The following RHBDD1 variants were observed in gnomAD, a reference collection of about 807,000 sequenced individuals.
The protein encoded by RHBDD1 is rhomboid-related protein 4.
Under a neutral mutation model 36.3 loss-of-function variants are expected in RHBDD1, and 38 were observed. The observed-to-expected ratio is 1.05, with a 90% CI of 0.81 to 1.37. RHBDD1 has a LOEUF of 1.37. Ranked by LOEUF, RHBDD1 falls within the 40% of genes most tolerant of loss-of-function variation. The probability of loss-of-function intolerance (pLI) is 0.00; values close to 1 mark genes in which losing one functional copy is unlikely to be tolerated. For missense variants in RHBDD1, 393 were observed against 377.6 expected, an observed-to-expected ratio of 1.04 and a Z score of -0.34; for synonymous variants, 151 against 136.5, an observed-to-expected ratio of 1.11 and a Z score of -0.74.
the RHBDD1 span, among the ~76,000 whole-genome samples, chr2:226,816,835 G>GAAAATGTATAGTTCTTGAA: frequency 7.1e-6 from 1 of 140,272 alleles, no homozygotes; most frequent in Non-Finnish European, 1.6e-5. Context: ...GGCAAAGGTT[G>GAAAATGTATAGTTCTTGAA]CAGTGGGCCC....
intron 7 of RHBDD1, among the ~76,000 whole-genome samples, chr2:226,913,915 T>C (rs1159879030): frequency 6.6e-6 from 1 of 152,140 alleles, no homozygotes; most frequent in Admixed American, 6.5e-5. Context: ...AAGAATCCAC[T>C]CCATATGTCA....
intron 3 of RHBDD1, among the ~76,000 whole-genome samples, chr2:226,852,006 T>C (rs900693678): frequency 6.6e-6 from 1 of 152,226 alleles, no homozygotes; most frequent in Non-Finnish European, 1.5e-5. Flanking sequence ...GCACGGTTGC[T>C]GAAGTCCTCA....
chr2:226,884,058 C>T (rs1238402714), intron 5 of RHBDD1, among the ~76,000 whole-genome samples: 2 of 152,144 alleles, frequency 1.3e-5, no homozygotes, highest in African/African-American at 4.8e-5. Flanking sequence ...AAACATTATA[C>T]AATTAAATAT....
At position 226,904,600 on chromosome 2, in the gene RHBDD1, A is replaced by G. The variant is rs138761165; in HGVS notation, c.567-2193A>G. On this transcript the variant is annotated intron_variant, in intron 5 of 8. Transcript: ENST00000392062. ...GAGGGCTTGTCTGGGCAATAGTGTC[A>G]TTTAGTCAGCTAATGGGAACAAGCA... Among the ~76,000 whole-genome samples the G allele has an allele frequency of 2.0e-3, 311 of 152,316 alleles. 3 individuals carry two copies. Among genetic ancestry groups the G allele is most frequent in the Middle Eastern group, 0.014 (4 of 294 alleles).
In RHBDD1 at chr2:226,893,776, G is replaced by T. The variant is rs531493346; in HGVS notation, c.567-13017G>T. ...AGCAGGGGTGCTACTGGCATTTGGG[G>T]TGCAGGGGCCAAAGGTACTAGCTGT... On this transcript the variant is annotated intron_variant, in intron 5 of 8. Transcript: ENST00000392062. Among the ~76,000 whole-genome samples the T allele has an allele frequency of 2.6e-5, 4 of 152,202 alleles. No homozygotes were observed. In the South Asian group the frequency reaches 6.2e-4, roughly 24 times the overall value.
In RHBDD1 at chr2:226,863,812, G is replaced by A. The variant is rs185439065; in HGVS notation, c.-90-792G>A. Among the ~76,000 whole-genome samples, 150 of 152,336 alleles carry A rather than the reference G, an allele frequency of 9.8e-4. 1 individual carries two copies. The highest frequency in any genetic ancestry group is 3.5e-3 in the African/African-American group (146 of 41,582). ...ATGTCACAGTGCCAGCCCAGGTCCA[G>A]CGGGGTGGAGAAGCGGGCTAGTAAG... On this transcript the variant is annotated intron_variant, in intron 3 of 8. Transcript: ENST00000392062.
rs1227053114 is a variant in RHBDD1, at chr2:226,991,695, T to C, written c.857-3736T>C. 2.0e-5 allele frequency among the ~76,000 whole-genome samples: 3 copies of C among 152,308 alleles called. No individual in the cohort carries two copies. The East Asian group carries it at 5.8e-4, about 29-fold the overall frequency. On this transcript the variant is annotated intron_variant, in intron 8 of 8. Coordinates refer to ENST00000392062, the MANE Select transcript of RHBDD1 (RefSeq NM_001167608.3). ...GGAGCTACTCAGTATTCCCATTTTATAGATAAGGAAACTAAGACCAAGAGC... is the reference window on the plus strand; with the variant it reads ...GGAGCTACTCAGTATTCCCATTTTACAGATAAGGAAACTAAGACCAAGAGC...
In RHBDD1 at chr2:226,928,833, A is replaced by G. The variant is rs530607212; in HGVS notation, c.856+14482A>G. The stretch of plus-strand genomic sequence containing the variant: ...TGAAAATGGAGACACTACAACCATC[A>G]CCACAGAAATACAAAAGACCATTTG... On this transcript the variant is annotated intron_variant, in intron 8 of 8. Transcript: ENST00000392062. 2.0e-5 allele frequency among the ~76,000 whole-genome samples: 3 copies of G among 152,162 alleles called. No individual in the cohort carries two copies. The East Asian group carries it at 5.8e-4, about 29-fold the overall frequency.
intron 8 of RHBDD1, among the ~76,000 whole-genome samples, chr2:226,943,781 C>A (rs1011534262): frequency 2.0e-5 from 3 of 152,144 alleles, no homozygotes; most frequent in African/African-American, 7.2e-5. Context: ...CCTAGTAAGG[C>A]CTATTTTGCA....
At chr2:226,972,333 G>A (rs1953699472) in intron 8 of RHBDD1, among the ~76,000 whole-genome samples, 2 of 152,022 alleles carry the variant, frequency 1.3e-5, no homozygotes, top group African/African-American at 2.4e-5. Flanking sequence ...AATCATTGAT[G>A]GAAAAAGCCC....
rs1948091749 is a variant in RHBDD1 at position 226,906,839 on chromosome 2, T to C, written c.613T>C (p.Tyr205His). 6.2e-7 allele frequency: 1 copy of C among 1,614,124 alleles called. No homozygotes were observed. The highest frequency in any genetic ancestry group is 8.5e-7 in the Non-Finnish European group (1 of 1,179,986). The change falls in exon 6 of 9, where the codon TAC becomes CAC. Residue 205 changes from tyrosine to histidine, a missense_variant. Coordinates refer to ENST00000392062, the MANE Select transcript of RHBDD1 (RefSeq NM_001167608.3). ...GGCTGGGATTCTTGTTGGACTAATGTACACTCAAGGGCCTCTGAAGAAAAT... is the reference window on the plus strand; with the variant it reads ...GGCTGGGATTCTTGTTGGACTAATGCACACTCAAGGGCCTCTGAAGAAAAT... ...HLAGILVGLM[Y>H]TQGPLKKIME...
intron 5 of RHBDD1, among the ~76,000 whole-genome samples, chr2:226,886,022 G>T (rs60781772): frequency 0.17 from 26,237 of 152,150 alleles, 3,478 homozygotes; most frequent in African/African-American, 0.37. Flanking sequence ...AGAACAGTGT[G>T]TGATATAAAA....
At chr2:226,802,997 A>C in the RHBDD1 span, among the ~76,000 whole-genome samples, 4 of 152,244 alleles carry the variant, frequency 2.6e-5, no homozygotes, top group Admixed American at 2.6e-4. Context: ...AAAACTAAAC[A>C]TTTCAAAATT....
chr2:226,864,570 A>G, intron 3 of RHBDD1, 34 bp from the exon 4 acceptor site: 1 of 766,984 alleles, frequency 1.3e-6, no homozygotes, highest in East Asian at 2.5e-5. Flanking sequence ...CTAATTCTTA[A>G]TTGATGGTTT....
intron 8 of RHBDD1, among the ~76,000 whole-genome samples, chr2:226,960,572 A>G (rs1391107093): frequency 6.6e-6 from 1 of 152,230 alleles, no homozygotes; most frequent in Non-Finnish European, 1.5e-5. Flanking sequence ...GATGCTCTAA[A>G]ATTTTGACCA....
the RHBDD1 span, among the ~76,000 whole-genome samples, chr2:226,830,216 A>T: frequency 1.3e-5 from 2 of 152,212 alleles, no homozygotes; most frequent in African/African-American, 4.8e-5. Flanking sequence ...TCATGAGGAC[A>T]AAACTCTCAT....
At chr2:226,875,205 A>G (rs1185995449) in intron 5 of RHBDD1, among the ~76,000 whole-genome samples, 1 of 152,208 alleles carries the variant, frequency 6.6e-6, no homozygotes. Flanking sequence ...TTGGATGGAC[A>G]TAAGATAAGG....
upstream of RHBDD1, among the ~76,000 whole-genome samples, chr2:226,831,312 T>C (rs957540448): frequency 2.0e-5 from 3 of 152,228 alleles, no homozygotes; most frequent in African/African-American, 7.2e-5. Flanking sequence ...ATGTCTGTTA[T>C]GGGTTGAACT....
At chr2:226,939,812 A>G (rs1190772539) in intron 8 of RHBDD1, among the ~76,000 whole-genome samples, 1 of 152,206 alleles carries the variant, frequency 6.6e-6, no homozygotes, top group African/African-American at 2.4e-5. Context: ...TAGCCAAGGC[A>G]ATCCTAAGCA....
Sources: gnomAD v4.1 joint callset for allele counts (sites outside exome capture counted in the v4.1 genomes callset) on GRCh38, gnomAD v4.1.1 for gene constraint, MANE v1.5 for transcripts, NCBI Gene and HGNC (gene_info 2026-07-23, HGNC 2026-07-21) for gene names.